Variants in DPP8 observed in about 807,000 individuals in gnomAD.
DPP8 encodes the protein DPP VIII.
Under a neutral mutation model 107.5 loss-of-function variants are expected in DPP8, and 31 were observed. The observed-to-expected ratio is 0.29, with a 90% confidence interval of 0.22 to 0.39. The LOEUF (loss-of-function observed/expected upper bound fraction) is 0.39, where lower values mean the gene tolerates loss of function less well. Ranked by LOEUF, DPP8 falls within the 10% of genes least tolerant of loss-of-function variation. The probability of loss-of-function intolerance (pLI) is 1.00; values close to 1 mark genes in which losing one functional copy is unlikely to be tolerated. For missense variants in DPP8, 842 were observed against 1,076.1 expected, an observed-to-expected ratio of 0.78 and a Z score of 3.04; for synonymous variants, 381 against 356.6, an observed-to-expected ratio of 1.07 and a Z score of -0.77.
chr15:65,443,804 TATAGA>T lies in DPP8; in HGVS notation c.*3075_*3079del, dbSNP rs1238073485. On this transcript the variant is annotated 3_prime_UTR_variant, in exon 20 of 20. Coordinates refer to ENST00000300141, the MANE Select transcript of DPP8 (RefSeq NM_130434.5). ...CTATTATTAATCCAACTCCATTCTC[TATAGA>T]AGAGTTTCTTAAAGTAGTCCACAGA... is the stretch of plus-strand genomic sequence containing the variant. 1 of 152,236 alleles carries T rather than the reference TATAGA, an allele frequency of 6.6e-6. No homozygotes were observed. The allele number at this position is 152,236 out of a possible 1,614,324, so 9.4% of individuals were successfully genotyped here.
intron 12 of DPP8, among the ~76,000 whole-genome samples, chr15:65,470,868 G>A (rs2065824021): frequency 6.7e-6 from 1 of 149,868 alleles, no homozygotes; most frequent in Non-Finnish European, 1.5e-5. Flanking sequence ...GCAGTAAGCT[G>A]AGATCATGCC....
intron 16 of DPP8, 106 bp from the exon 17 acceptor site, chr15:65,454,521 TA>T: frequency 9.8e-7 from 1 of 1,018,612 alleles, no homozygotes; most frequent in Non-Finnish European, 1.4e-6. Context: ...GTAGGTGTTT[TA>T]ATTTTTATTT....
At chr15:65,464,392 C>A (rs2065167802) in intron 14 of DPP8, among the ~76,000 whole-genome samples, 1 of 150,498 alleles carries the variant, frequency 6.6e-6, no homozygotes, top group Non-Finnish European at 1.5e-5. Flanking sequence ...TTAAAAAAAA[C>A]AAAACTAGGC....
chr15:65,470,195 CAAAAAA>C (rs11310623), intron 12 of DPP8, among the ~76,000 whole-genome samples: 1 of 58,488 alleles, frequency 1.7e-5, no homozygotes, highest in Non-Finnish European at 3.2e-5. Flanking sequence ...ACTCTTGTCT[CAAAAAA>C]AAAAAAAAAA....
chr15:65,449,367 C>CA (rs895110896), intron 19 of DPP8, among the ~76,000 whole-genome samples: 4 of 150,954 alleles, frequency 2.6e-5, no homozygotes. Flanking sequence ...GGTACAGTAT[C>CA]AAAGAATAGT....
At position 65,500,653 on chromosome 15, in the gene DPP8, C is replaced by T. The variant is rs753995054; in HGVS notation, c.499G>A (p.Gly167Ser). Residue 167 changes from glycine (G) to serine (S), a missense_variant, in exon 4 of 20, where the codon GGT becomes AGT. Physicochemically the swap from Gly to Ser is moderately conservative, Grantham distance 56. Transcript: ENST00000300141. ...TCTTTTACGTGATAAATTCCACTACCGGCTTGAAACAGAAATGTTCCACTT... is the reference window on the plus strand; with the variant it reads ...TCTTTTACGTGATAAATTCCACTACTGGCTTGAAACAGAAATGTTCCACTT... ...QGSGTFLFQA[G>S]SGIYHVKDGG... The T allele has an allele frequency of 6.2e-6, 10 of 1,613,872 alleles. No homozygotes were observed. The highest frequency in any genetic ancestry group is 2.2e-5 in the South Asian group (2 of 91,084).
intron 7 of DPP8, 90 bp downstream of exon 7, chr15:65,487,600 T>C: frequency 8.0e-7 from 1 of 1,254,600 alleles, no homozygotes; most frequent in Non-Finnish European, 1.1e-6. Context: ...AAATGACCAA[T>C]GTTGTTGGCT....
At position 65,474,127 on chromosome 15, in the gene DPP8, T is replaced by C. The variant is rs2066170876; in HGVS notation, c.1536+82A>G. The C allele has an allele frequency of 2.9e-6, 3 of 1,050,968 alleles. No individual in the cohort carries two copies. In the South Asian group the frequency reaches 3.8e-5, roughly 13 times the overall value. The allele number at this position is 1,050,968 out of a possible 1,614,324, so 65.1% of individuals were successfully genotyped here. On this transcript the variant is annotated intron_variant, in intron 12 of 19. Coordinates refer to ENST00000300141, the MANE Select transcript of DPP8 (RefSeq NM_130434.5). Reference sequence around the variant, plus strand: ...CTCGGAAAAAAAAATACCGGGGTCATATTAAATTACATTACTCATTTTTAG... The same window carrying C: ...CTCGGAAAAAAAAATACCGGGGTCACATTAAATTACATTACTCATTTTTAG...
chr15:65,473,342 AAGAAT>A, intron 12 of DPP8, among the ~76,000 whole-genome samples: 1 of 150,666 alleles, frequency 6.6e-6, no homozygotes. Context: ...AAAAAAAAAG[AAGAAT>A]AGAGGGAAAA....
intron 11 of DPP8, among the ~76,000 whole-genome samples, chr15:65,477,592 C>T (rs1473016672): frequency 6.8e-6 from 1 of 147,550 alleles, no homozygotes; most frequent in Non-Finnish European, 1.5e-5. Flanking sequence ...TGCAGTGGCG[C>T]GATCTCGGCT....
In DPP8 at chr15:65,480,496, T is replaced by C. The variant is rs1021250136; in HGVS notation, c.1119-97A>G. ...CTTTGGCACCTATCAATTATATCTG[T>C]AATCACCATGAAAGAACTGCTTTAG... On this transcript the variant is annotated intron_variant, in intron 9 of 19. Coordinates refer to ENST00000300141, the MANE Select transcript of DPP8 (RefSeq NM_130434.5). 9 of 775,546 alleles carry C rather than the reference T, an allele frequency of 1.2e-5. No individual in the cohort carries two copies. In the African/African-American group the frequency reaches 1.6e-4, roughly 14 times the overall value. The allele number at this position is 775,546 out of a possible 1,614,324, so 48.0% of individuals were successfully genotyped here. A position where few individuals can be genotyped will look rare whatever the true frequency, so the allele number is the denominator to read the frequency against.
At chr15:65,494,434 G>A (rs1272090445) in intron 5 of DPP8, among the ~76,000 whole-genome samples, 1 of 150,952 alleles carries the variant, frequency 6.6e-6, no homozygotes, top group East Asian at 1.9e-4. Context: ...CATTGCCCAG[G>A]CTGGTCTTGA....
intron 5 of DPP8, among the ~76,000 whole-genome samples, 178 bp downstream of exon 5, chr15:65,497,686 T>C (rs756436022): frequency 1.3e-5 from 2 of 152,220 alleles, no homozygotes; most frequent in Admixed American, 6.6e-5. Flanking sequence ...ATGAATATTA[T>C]ACATGTGGTA....
At chr15:65,484,866 C>T (rs2067255467) in intron 8 of DPP8, among the ~76,000 whole-genome samples, 2 of 151,942 alleles carry the variant, frequency 1.3e-5, no homozygotes, top group African/African-American at 2.4e-5. Flanking sequence ...AGAATAAAGG[C>T]GAACAGAAAA....
intron 6 of DPP8, among the ~76,000 whole-genome samples, chr15:65,489,291 C>T (rs529370261): frequency 1.5e-4 from 23 of 151,934 alleles, no homozygotes; most frequent in Non-Finnish European, 2.9e-4. Flanking sequence ...GCCACCAATG[C>T]TGCCAGCATT....
In DPP8 at chr15:65,449,975, T is replaced by G. The variant is rs184185453; in HGVS notation, c.2526+1024A>C. On this transcript the variant is annotated intron_variant, in intron 19 of 19. Transcript: ENST00000300141. The stretch of plus-strand genomic sequence containing the variant: ...TAATAGTTTATTATTATTATTATTA[T>G]TTTTTTTTTGAGACGGAGTTTCACT... Among the ~76,000 whole-genome samples the G allele has an allele frequency of 1.6e-3, 163 of 102,598 alleles. No individual in the cohort carries two copies. In the Middle Eastern group the frequency reaches 0.027, roughly 17 times the overall value. 67.3% of individuals were successfully genotyped at this position (102,598 alleles called of 152,430 possible).
chr15:65,472,899 G>A (rs1323692834), intron 12 of DPP8, among the ~76,000 whole-genome samples: 1 of 152,120 alleles, frequency 6.6e-6, no homozygotes, highest in South Asian at 2.1e-4. Flanking sequence ...TTAGCTGGGT[G>A]TGGTGGTGTG....
At chr15:65,482,308 T>G (rs1457791202) in intron 8 of DPP8, among the ~76,000 whole-genome samples, 1 of 151,856 alleles carries the variant, frequency 6.6e-6, no homozygotes, top group Non-Finnish European at 1.5e-5. Flanking sequence ...CACTGGAGAG[T>G]CTTCACTCTG....
At chr15:65,479,152 A>G in intron 10 of DPP8, 113 bp from the exon 11 acceptor site, 1 of 676,692 alleles carries the variant, frequency 1.5e-6, no homozygotes, top group South Asian at 3.3e-5. Context: ...AATAACCATC[A>G]ATGCCAAAGG....
Sources: allele counts gnomAD v4.1 joint callset (sites outside exome capture counted in the v4.1 genomes callset), GRCh38; gene constraint gnomAD v4.1.1; transcripts MANE v1.5; gene names NCBI Gene and HGNC (gene_info 2026-07-23, HGNC 2026-07-21).